Variants in PDE4D observed in about 807,000 individuals in gnomAD.
PDE4D encodes the protein phosphodiesterase 4D, also known as 3',5'-cyclic-AMP phosphodiesterase 4D.
A neutral mutation model predicts 87.4 loss-of-function variants in PDE4D; 24 were observed. The observed-to-expected ratio is 0.27, with a 90% confidence interval of 0.20 to 0.39. The LOEUF is 0.39. Among genes scored for constraint, PDE4D ranks in the 10% least tolerant of loss-of-function variants. The pLI, the probability that PDE4D is intolerant of heterozygous loss-of-function variation, is 1.00. For missense variants in PDE4D, 714 were observed against 1,041.0 expected (o/e 0.69, Z 4.32); for synonymous variants, 384 against 383.2 (o/e 1.00, Z -0.02).
chr5:59,643,429 G>C (rs1481506035), intron 1 of PDE4D, among the ~76,000 whole-genome samples: 4 of 152,184 alleles, frequency 2.6e-5, no homozygotes, highest in Non-Finnish European at 5.9e-5. Context: ...CTGGAGGAAG[G>C]AATGACAAAG....
intron 1 of PDE4D, among the ~76,000 whole-genome samples, chr5:59,695,682 G>C (rs1339168631): frequency 6.6e-6 from 1 of 152,128 alleles, no homozygotes; most frequent in Admixed American, 6.6e-5. Flanking sequence ...GTTCGCTGCA[G>C]CCTTGACCTC....
intron 2 of PDE4D, among the ~76,000 whole-genome samples, chr5:60,103,994 G>A (rs994648374): frequency 6.6e-6 from 1 of 152,314 alleles, no homozygotes; most frequent in Non-Finnish European, 1.5e-5. Context: ...ACTAGGGAGT[G>A]CCAGACAGTG....
chr5:59,293,937 C>G (rs967511668), intron 1 of PDE4D, among the ~76,000 whole-genome samples: 1 of 152,192 alleles, frequency 6.6e-6, no homozygotes, highest in African/African-American at 2.4e-5. Flanking sequence ...ACCACGACCA[C>G]GCTCACCTAT....
At chr5:59,653,496 C>G (rs1034683326) in intron 1 of PDE4D, among the ~76,000 whole-genome samples, 1 of 152,020 alleles carries the variant, frequency 6.6e-6, no homozygotes, top group African/African-American at 2.4e-5. Context: ...TTGAATCCAC[C>G]GTAGTGAAAG....
intron 1 of PDE4D, among the ~76,000 whole-genome samples, chr5:59,476,873 T>C (rs1291260638): frequency 6.6e-6 from 1 of 152,034 alleles, no homozygotes; most frequent in South Asian, 2.1e-4. Context: ...GAAACATTGC[T>C]TGCAAACTAC....
At chr5:59,119,368 C>T (rs1232474964) in intron 5 of PDE4D, among the ~76,000 whole-genome samples, 1 of 152,112 alleles carries the variant, frequency 6.6e-6, no homozygotes, top group Non-Finnish European at 1.5e-5. Flanking sequence ...ATAGGGGCTA[C>T]CAGCATATGG....
At chr5:60,429,743 C>A (rs79756803) in intron 1 of PDE4D, among the ~76,000 whole-genome samples, 1 of 151,624 alleles carries the variant, frequency 6.6e-6, no homozygotes, top group Non-Finnish European at 1.5e-5. Flanking sequence ...GTTTTTATTC[C>A]GTTCATGTGG....
intron 2 of PDE4D, among the ~76,000 whole-genome samples, chr5:60,125,722 C>T (rs1175921632): frequency 6.6e-6 from 1 of 152,036 alleles, no homozygotes; most frequent in Admixed American, 6.6e-5. Flanking sequence ...TGATAAATTC[C>T]CAGTACCTAG....
At chr5:59,922,458 A>G (rs368023970) in intron 3 of PDE4D, among the ~76,000 whole-genome samples, 1 of 152,080 alleles carries the variant, frequency 6.6e-6, no homozygotes, top group Admixed American at 6.6e-5. Flanking sequence ...CCCTCCACCT[A>G]AGGAGAGGAG....
At chr5:59,498,587 T>A (rs1021287814) in intron 1 of PDE4D, among the ~76,000 whole-genome samples, 1 of 151,760 alleles carries the variant, frequency 6.6e-6, no homozygotes, top group African/African-American at 2.4e-5. Flanking sequence ...TAGAGAAAGA[T>A]CTATCATGCA....
At chr5:59,555,531 G>T (rs1434508062) in intron 1 of PDE4D, among the ~76,000 whole-genome samples, 1 of 152,106 alleles carries the variant, frequency 6.6e-6, no homozygotes, top group Non-Finnish European at 1.5e-5. Context: ...AAGATGAAAT[G>T]CATAGGGCAA....
intron 1 of PDE4D, among the ~76,000 whole-genome samples, chr5:60,199,188 G>A (rs1741621254): frequency 6.6e-6 from 1 of 151,716 alleles, no homozygotes; most frequent in African/African-American, 2.4e-5. Context: ...ACTCTTAACT[G>A]CTAGGACAAA....
intron 2 of PDE4D, among the ~76,000 whole-genome samples, chr5:60,000,872 C>G (rs1285499086): frequency 6.6e-6 from 1 of 152,110 alleles, no homozygotes; most frequent in Non-Finnish European, 1.5e-5. Context: ...TGAGAGCAGT[C>G]CTGTCTCCAC....
intron 1 of PDE4D, among the ~76,000 whole-genome samples, chr5:59,756,709 CT>C (rs1761280066): frequency 6.6e-6 from 1 of 151,948 alleles, no homozygotes; most frequent in South Asian, 2.1e-4. Context: ...AGGTATGTTT[CT>C]CAATCGATCA....
chr5:60,073,518 G>A (rs1772964260), intron 2 of PDE4D, among the ~76,000 whole-genome samples: 1 of 147,204 alleles, frequency 6.8e-6, no homozygotes, highest in African/African-American at 2.5e-5. Context: ...AAATCAGGAT[G>A]ATGCTGGCCT....
intron 1 of PDE4D, among the ~76,000 whole-genome samples, chr5:60,317,468 T>A (rs982199871): frequency 2.6e-5 from 4 of 152,220 alleles, no homozygotes; most frequent in Admixed American, 1.3e-4. Flanking sequence ...TTTGAAGGGT[T>A]TTTTGTGTCT....
intron 1 of PDE4D, chr5:59,587,075 A>G: frequency 4.1e-6 from 3 of 736,568 alleles, no homozygotes; most frequent in Non-Finnish European, 5.0e-6. Context: ...GGACAAGATT[A>G]CCATTAACTA....
At chr5:60,478,206 G>A (rs183021349) in intron 1 of PDE4D, among the ~76,000 whole-genome samples, 6 of 152,226 alleles carry the variant, frequency 3.9e-5, no homozygotes, top group African/African-American at 1.4e-4. Context: ...TGGATTTTCT[G>A]GTTAAATCTT....
At chr5:60,106,363 C>A (rs1776914679) in intron 2 of PDE4D, among the ~76,000 whole-genome samples, 1 of 151,178 alleles carries the variant, frequency 6.6e-6, no homozygotes, top group Non-Finnish European at 1.5e-5. Context: ...TAAAGCAAGT[C>A]CTGAGTGACC....
Sources: gnomAD v4.1 joint callset for allele counts (sites outside exome capture counted in the v4.1 genomes callset) on GRCh38, gnomAD v4.1.1 for gene constraint, MANE v1.5 for transcripts, NCBI Gene and HGNC (gene_info 2026-07-23, HGNC 2026-07-21) for gene names.